Variants in ANK3 observed in about 807,000 individuals in gnomAD.
ANK3 encodes the protein ankyrin-3.
A neutral mutation model predicts 370.9 loss-of-function variants in ANK3; 57 were observed. That is an observed-to-expected ratio of 0.15 (90% CI 0.12 to 0.19). The LOEUF is 0.19. ANK3 is among the 10% of genes least tolerant of loss of function. The probability of loss-of-function intolerance (pLI) is 1.00; values close to 1 mark genes in which losing one functional copy is unlikely to be tolerated. For missense variants in ANK3, 4,439 were observed against 5,302.1 expected, an observed-to-expected ratio of 0.84 and a Z score of 5.06; for synonymous variants, 1,929 against 1,946.3, an observed-to-expected ratio of 0.99 and a Z score of 0.23.
chr10:60,250,045 G>A (rs543143176), intron 7 of ANK3, among the ~76,000 whole-genome samples: 1 of 152,210 alleles, frequency 6.6e-6, no homozygotes, highest in South Asian at 2.1e-4. Context: ...TAAGATGTAA[G>A]ACATAAAATA....
At chr10:60,147,807 T>C (rs2094907401) in intron 23 of ANK3, among the ~76,000 whole-genome samples, 1 of 152,208 alleles carries the variant, frequency 6.6e-6, no homozygotes, top group African/African-American at 2.4e-5. Flanking sequence ...CAGAAGCTGC[T>C]ATGCTTCCTG....
At chr10:60,236,518 C>T (rs2097336910) in intron 7 of ANK3, among the ~76,000 whole-genome samples, 1 of 151,896 alleles carries the variant, frequency 6.6e-6, no homozygotes, top group Admixed American at 6.6e-5. Context: ...TGTGTAGACT[C>T]TTCCACACCT....
At chr10:60,169,331 C>G (rs1250459432) in intron 21 of ANK3, among the ~76,000 whole-genome samples, 2 of 140,462 alleles carry the variant, frequency 1.4e-5, no homozygotes, top group Non-Finnish European at 3.0e-5. Flanking sequence ...GTATACTAGT[C>G]AGATATGTCC....
At chr10:60,417,477 G>T (rs1441617433) in intron 2 of ANK3, among the ~76,000 whole-genome samples, 1 of 152,188 alleles carries the variant, frequency 6.6e-6, no homozygotes, top group Non-Finnish European at 1.5e-5. Context: ...TCTGTATAAG[G>T]TTGGTGTTTT....
In ANK3 at chr10:60,264,005, A is replaced by G. The variant is rs779211369; in HGVS notation, c.529T>C (p.Leu177=). The G allele has an allele frequency of 2.2e-5, 36 of 1,614,098 alleles. No individual in the cohort carries two copies. In the Admixed American group the frequency reaches 5.8e-4, roughly 26 times the overall value. The change falls in exon 6 of 44, where the codon TTG becomes CTG. Residue 177 remains leucine (L), a synonymous_variant. Transcript: ENST00000280772. ...TGACCTTGTTGCAAAGCCACTGCCA[A>G]TGGTGTGAAGCCATCCTGCAAATAA... The part of the protein sequence containing the change: ...SLATEDGFTP[L]AVALQQGHDQ...
At chr10:60,200,350 T>C (rs183371026) in intron 12 of ANK3, 123 bp from the exon 13 acceptor site, 3 of 753,444 alleles carry the variant, frequency 4.0e-6, no homozygotes, top group African/African-American at 3.5e-5. Flanking sequence ...CACTTCCTTA[T>C]TGAAAAGATA....
chr10:60,686,511 A>G (rs1397723280), intron 1 of ANK3, among the ~76,000 whole-genome samples: 1 of 152,176 alleles, frequency 6.6e-6, no homozygotes, highest in Non-Finnish European at 1.5e-5. Flanking sequence ...AATATCTTGT[A>G]TAGTTAATGA....
rs186675420 is a variant in ANK3, at chr10:60,470,639, G to A, written c.96+144547C>T. The stretch of plus-strand genomic sequence containing the variant: ...GGTCAGTGATAGGCACAGGATAGAC[G>A]CTGATGTTGACTTTGGTAACAATAC... On this transcript the variant is annotated intron_variant, in intron 2 of 43. Transcript: ENST00000373827. 1.4e-3 allele frequency among the ~76,000 whole-genome samples: 206 copies of A among 152,146 alleles called. 1 individual carries two copies. The highest frequency in any genetic ancestry group is 2.0e-3 in the Admixed American group (31 of 15,236).
At chr10:60,159,476 C>A (rs1463360057) in intron 23 of ANK3, among the ~76,000 whole-genome samples, 1 of 152,018 alleles carries the variant, frequency 6.6e-6, no homozygotes, top group Admixed American at 6.6e-5. Context: ...TAGGTGGGGA[C>A]ATTAACACCC....
At chr10:60,650,004 G>A (rs150482447) in intron 1 of ANK3, among the ~76,000 whole-genome samples, 180 of 152,218 alleles carry the variant, frequency 1.2e-3, no homozygotes, top group African/African-American at 4.1e-3. Flanking sequence ...CATCAGCCTG[G>A]GTCCCTGAGG....
At chr10:60,273,106 C>A (rs1592851974) in intron 4 of ANK3, among the ~76,000 whole-genome samples, 1 of 152,318 alleles carries the variant, frequency 6.6e-6, no homozygotes, top group East Asian at 1.9e-4. Flanking sequence ...AATCACTCTA[C>A]ATGCCCTGTT....
chr10:60,615,277 T>G, intron 1 of ANK3: 1 of 1,319,208 alleles, frequency 7.6e-7, no homozygotes, highest in Non-Finnish European at 1.0e-6. Context: ...TTCCATATAT[T>G]TACCATGACG....
At chr10:60,386,347 CTCAT>C (rs2062312690) in intron 1 of ANK3, among the ~76,000 whole-genome samples, 1 of 151,606 alleles carries the variant, frequency 6.6e-6, no homozygotes, top group Non-Finnish European at 1.5e-5. Context: ...AAAGAAGATA[CTCAT>C]TCAAACTTTT....
intron 28 of ANK3, among the ~76,000 whole-genome samples, chr10:60,102,539 C>T (rs2091457544): frequency 6.6e-6 from 1 of 152,162 alleles, no homozygotes; most frequent in South Asian, 2.1e-4. Flanking sequence ...AAATCATGAT[C>T]CCAACCACCA....
intron 2 of ANK3, among the ~76,000 whole-genome samples, chr10:60,426,680 G>C (rs1230192984): frequency 1.3e-5 from 2 of 152,014 alleles, no homozygotes; most frequent in African/African-American, 4.8e-5. Context: ...ATCAATCCAA[G>C]AGATTATTAT....
At position 60,172,987 on chromosome 10, in the gene ANK3, C is replaced by A. The variant is rs754535613; in HGVS notation, c.2295G>T (p.Thr765=). The A allele has an allele frequency of 6.2e-7, 1 of 1,611,636 alleles. No individual in the cohort carries two copies. The highest frequency in any genetic ancestry group is 8.5e-7 in the Non-Finnish European group (1 of 1,178,006). Residue 765 remains threonine, a synonymous_variant, in exon 20 of 44, where the codon ACG becomes ACT. Coordinates refer to ENST00000280772, the MANE Select transcript of ANK3 (RefSeq NM_020987.5). ...CCTGCTGTGCTGCTTGATGTAATGG[C>A]GTATACCCATTCTGTAGAAGGAAGA... is the stretch of plus-strand genomic sequence containing the variant. ...KVNAKTKNGY[T]PLHQAAQQGH... is the part of the protein sequence containing the mutation.
intron 1 of ANK3, among the ~76,000 whole-genome samples, chr10:60,630,021 A>G (rs748768696): frequency 2.2e-4 from 34 of 152,098 alleles, no homozygotes; most frequent in Non-Finnish European, 3.8e-4. Context: ...CAGCTATGTA[A>G]CCTCTGAAAG....
At chr10:60,256,155 A>C (rs2097731440) in intron 7 of ANK3, among the ~76,000 whole-genome samples, 1 of 152,248 alleles carries the variant, frequency 6.6e-6, no homozygotes, top group Non-Finnish European at 1.5e-5. Context: ...CCTATTCAGC[A>C]TTATAGCCTA....
chr10:60,030,326 T>G (rs1204009228), intron 43 of ANK3, among the ~76,000 whole-genome samples: 1 of 151,934 alleles, frequency 6.6e-6, no homozygotes, highest in East Asian at 1.9e-4. Context: ...GTATTTTTAG[T>G]AGAGACGGGG....
Sources: allele counts gnomAD v4.1 joint callset (sites outside exome capture counted in the v4.1 genomes callset), GRCh38; gene constraint gnomAD v4.1.1; transcripts MANE v1.5; gene names NCBI Gene and HGNC (gene_info 2026-07-23, HGNC 2026-07-21).